CDH2: variants seen among roughly 807,000 people sequenced by gnomAD.
CDH2 encodes cadherin-2.
Under a neutral mutation model 92.0 loss-of-function variants are expected in CDH2, and 17 were observed. The observed-to-expected ratio is 0.18, with a 90% CI of 0.13 to 0.28. The LOEUF (loss-of-function observed/expected upper bound fraction) is 0.28. CDH2 is among the 10% of genes least tolerant of loss of function. CDH2 has a pLI of 1.00. For synonymous variants in CDH2, 419 were observed against 415.9 expected (o/e 1.01, Z -0.09); for missense variants, 862 against 1,133.1 (o/e 0.76, Z 3.44).
At chr18:27,994,655 C>T (rs910631758) in intron 7 of CDH2, among the ~76,000 whole-genome samples, 1 of 152,154 alleles carries the variant, frequency 6.6e-6, no homozygotes, top group Non-Finnish European at 1.5e-5. Context: ...AATAAACTGT[C>T]ACTGCAAAGT....
intron 6 of CDH2, among the ~76,000 whole-genome samples, chr18:27,933,515 T>C (rs1182570554): frequency 6.6e-6 from 1 of 152,158 alleles, no homozygotes; most frequent in Non-Finnish European, 1.5e-5. Flanking sequence ...TTTGCTACAA[T>C]AAGTAGCTCT....
intron 2 of CDH2, among the ~76,000 whole-genome samples, chr18:28,054,892 T>A (rs2014262652): frequency 6.6e-6 from 1 of 152,212 alleles, no homozygotes; most frequent in African/African-American, 2.4e-5. Flanking sequence ...GGCATAAGGA[T>A]TATTTTCAGC....
chr18:28,166,093 CA>C (rs1196801368), intron 1 of CDH2, among the ~76,000 whole-genome samples: 1 of 135,448 alleles, frequency 7.4e-6, no homozygotes, highest in African/African-American at 2.8e-5. Context: ...TGGAGGTGGA[CA>C]GGTCTCAATT....
rs1447045955 is a variant in CDH2 at position 28,045,134 on chromosome 18, A to G, written c.173-31225T>C. On this transcript the variant is annotated intron_variant, in intron 2 of 15. Transcript: ENST00000269141. Reference sequence around the variant, plus strand: ...CAGTACCTCAGCCGTTAAGTATGATAATCTTATAGTTCTTCCTCATCCAAC... The same window carrying G: ...CAGTACCTCAGCCGTTAAGTATGATGATCTTATAGTTCTTCCTCATCCAAC... Among the ~76,000 whole-genome samples the G allele has an allele frequency of 3.3e-5, 5 of 152,250 alleles. No individual in the cohort carries two copies. In the East Asian group the frequency reaches 9.7e-4, roughly 29 times the overall value.
intron 14 of CDH2, among the ~76,000 whole-genome samples, chr18:27,982,103 A>C (rs2012074362): frequency 1.3e-5 from 2 of 152,336 alleles, no homozygotes; most frequent in African/African-American, 4.8e-5. Flanking sequence ...ATACCACAAA[A>C]GTGGAGATGT....
At chr18:28,171,303 T>C (rs913447287) in intron 1 of CDH2, among the ~76,000 whole-genome samples, 4 of 152,046 alleles carry the variant, frequency 2.6e-5, no homozygotes, top group Admixed American at 1.3e-4. Context: ...CCACTTATAT[T>C]TTTAATGTTG....
intron 1 of CDH2, among the ~76,000 whole-genome samples, chr18:28,175,707 C>T (rs536758526): frequency 3.9e-5 from 6 of 152,352 alleles, no homozygotes; most frequent in Admixed American, 1.3e-4. Context: ...GTCTCCACCC[C>T]CGGAGCAGGC....
At chr18:27,956,462 G>A (rs755299805) in intron 15 of CDH2, among the ~76,000 whole-genome samples, 7 of 152,166 alleles carry the variant, frequency 4.6e-5, no homozygotes, top group African/African-American at 9.7e-5. Context: ...ATTATCCAGC[G>A]AGGAACACAT....
intron 2 of CDH2, among the ~76,000 whole-genome samples, chr18:28,014,540 T>C (rs575748227): frequency 3.3e-5 from 5 of 152,296 alleles, no homozygotes; most frequent in Admixed American, 6.5e-5. Context: ...AACAGGTAAA[T>C]AATTTACAAA....
At chr18:28,051,711 A>G (rs1322430504) in intron 2 of CDH2, among the ~76,000 whole-genome samples, 2 of 152,128 alleles carry the variant, frequency 1.3e-5, no homozygotes, top group African/African-American at 2.4e-5. Context: ...CCTACATCCT[A>G]TAAGGACAGC....
intron 14 of CDH2, among the ~76,000 whole-genome samples, chr18:27,971,159 C>G (rs2011646353): frequency 6.6e-6 from 1 of 152,004 alleles, no homozygotes; most frequent in African/African-American, 2.4e-5. Flanking sequence ...TTGCTTGAAC[C>G]TGGGAGGCAG....
intron 2 of CDH2, among the ~76,000 whole-genome samples, chr18:28,043,453 TATAAA>T (rs2013988920): frequency 1.3e-5 from 1 of 77,146 alleles, no homozygotes; most frequent in Non-Finnish European, 2.6e-5. Flanking sequence ...AAATTACTGA[TATAAA>T]TAAATATATA....
chr18:28,036,498 G>T, intron 2 of CDH2: 3 of 1,599,494 alleles, frequency 1.9e-6, no homozygotes, highest in Non-Finnish European at 2.6e-6. Context: ...ATTCTGCTTG[G>T]TTCTTTAATT....
chr18:28,105,335 T>C (rs891153914), intron 2 of CDH2, among the ~76,000 whole-genome samples: 1 of 152,194 alleles, frequency 6.6e-6, no homozygotes, highest in African/African-American at 2.4e-5. Context: ...AAGTTACTAT[T>C]TAAAACAATT....
At chr18:28,082,696 T>A (rs1599086673) in intron 2 of CDH2, among the ~76,000 whole-genome samples, 1 of 152,222 alleles carries the variant, frequency 6.6e-6, no homozygotes, top group African/African-American at 2.4e-5. Context: ...CAGCTGTTCC[T>A]TAAATAGTTG....
At chr18:27,983,373 G>A (rs1300670002) in intron 13 of CDH2, among the ~76,000 whole-genome samples, 1 of 152,174 alleles carries the variant, frequency 6.6e-6, no homozygotes, top group African/African-American at 2.4e-5. Flanking sequence ...TATGGGGACA[G>A]TAACTTTTTC....
chr18:27,933,467 AT>A (rs1567927460), intron 6 of CDH2, among the ~76,000 whole-genome samples: 1 of 152,188 alleles, frequency 6.6e-6, no homozygotes, highest in Non-Finnish European at 1.5e-5. Context: ...AATATGTATT[AT>A]TCCTGAACCC....
intron 1 of CDH2, among the ~76,000 whole-genome samples, chr18:28,170,278 C>G (rs941139299): frequency 2.0e-5 from 3 of 152,166 alleles, no homozygotes; most frequent in Non-Finnish European, 4.4e-5. Flanking sequence ...ATATTGTGGT[C>G]TGTGTCAAAT....
intron 2 of CDH2, among the ~76,000 whole-genome samples, chr18:28,037,107 T>G (rs369573001): frequency 3.2e-4 from 48 of 151,774 alleles, no homozygotes; most frequent in African/African-American, 1.1e-3. Context: ...TTGTAAGGAG[T>G]TGGTTTCATA....
Sources: allele counts gnomAD v4.1 joint callset (sites outside exome capture counted in the v4.1 genomes callset), GRCh38; gene constraint gnomAD v4.1.1; transcripts MANE v1.5; gene names NCBI Gene and HGNC (gene_info 2026-07-23, HGNC 2026-07-21).